The following LSAMP variants were observed in gnomAD, a reference collection of about 807,000 sequenced individuals.
The protein encoded by LSAMP is limbic system associated membrane protein, also known as limbic system-associated membrane protein.
Under a neutral mutation model 38.6 loss-of-function variants are expected in LSAMP, and 7 were observed. The ratio of observed to expected loss-of-function variants is 0.18; its 90% CI spans 0.10 to 0.34. LSAMP has a LOEUF of 0.34. Ranked by LOEUF, LSAMP falls within the 10% of genes least tolerant of loss-of-function variation. LSAMP has a pLI of 1.00. For missense variants in LSAMP, 313 were observed against 420.0 expected (o/e 0.75, Z 2.23); for synonymous variants, 154 against 166.8 (o/e 0.92, Z 0.59).
intron 1 of LSAMP, among the ~76,000 whole-genome samples, chr3:116,278,521 G>A (rs2047083451): frequency 6.6e-6 from 1 of 152,176 alleles, no homozygotes; most frequent in Non-Finnish European, 1.5e-5. Context: ...AAGCCAGGAG[G>A]AGCAGGGTCT....
intron 1 of LSAMP, among the ~76,000 whole-genome samples, chr3:116,261,859 A>C (rs1487653241): frequency 2.7e-5 from 4 of 148,960 alleles, no homozygotes; most frequent in African/African-American, 9.8e-5. Flanking sequence ...TATAATATAA[A>C]ATATATACAT....
intron 6 of LSAMP, among the ~76,000 whole-genome samples, chr3:115,826,104 T>C (rs1316577170): frequency 9.3e-6 from 1 of 107,278 alleles, no homozygotes; most frequent in Non-Finnish European, 2.4e-5. Flanking sequence ...TTCTGTCTTT[T>C]ATTTTTATTT....
At chr3:115,818,788 T>A (rs1440069874) in intron 6 of LSAMP, among the ~76,000 whole-genome samples, 1 of 25,002 alleles carries the variant, frequency 4.0e-5, no homozygotes, top group Non-Finnish European at 9.1e-5. Flanking sequence ...AAAGTTGTAC[T>A]TTTATATATA....
intron 1 of LSAMP, among the ~76,000 whole-genome samples, chr3:116,112,750 A>G (rs1708645232): frequency 6.6e-6 from 1 of 152,210 alleles, no homozygotes; most frequent in African/African-American, 2.4e-5. Flanking sequence ...TGAAAATAAA[A>G]TTAGGTGAAT....
intron 1 of LSAMP, among the ~76,000 whole-genome samples, chr3:116,441,682 C>T (rs1185511129): frequency 2.0e-5 from 3 of 152,198 alleles, no homozygotes; most frequent in African/African-American, 4.8e-5. Context: ...TGTAATTGAA[C>T]TCTTACTCCT....
chr3:116,065,691 A>G (rs969486791), intron 2 of LSAMP, among the ~76,000 whole-genome samples: 3 of 152,218 alleles, frequency 2.0e-5, no homozygotes, highest in Non-Finnish European at 2.9e-5. Flanking sequence ...CCAGATGGCT[A>G]TTTCCTTGCC....
intron 3 of LSAMP, among the ~76,000 whole-genome samples, chr3:115,987,678 A>C (rs1939549789): frequency 2.6e-5 from 4 of 152,212 alleles, no homozygotes; most frequent in Admixed American, 2.6e-4. Context: ...AGAATGGTTT[A>C]TGATGTGTGA....
chr3:116,334,541 C>G (rs1002605814), intron 1 of LSAMP, among the ~76,000 whole-genome samples: 1 of 152,144 alleles, frequency 6.6e-6, no homozygotes, highest in Non-Finnish European at 1.5e-5. Flanking sequence ...GGATTTTACA[C>G]CATGACAAAG....
intron 1 of LSAMP, among the ~76,000 whole-genome samples, chr3:116,311,030 C>T (rs1485542346): frequency 2.0e-5 from 3 of 150,772 alleles, no homozygotes; most frequent in South Asian, 2.1e-4. Context: ...GTCAATTTAA[C>T]GGCACATTGA....
chr3:115,999,585 A>C (rs966377700), intron 3 of LSAMP, among the ~76,000 whole-genome samples: 2 of 152,192 alleles, frequency 1.3e-5, no homozygotes, highest in African/African-American at 4.8e-5. Flanking sequence ...CATTCATGGG[A>C]AAAGGTACCC....
At chr3:115,978,938 T>C (rs1287369335) in intron 3 of LSAMP, among the ~76,000 whole-genome samples, 2 of 152,110 alleles carry the variant, frequency 1.3e-5, no homozygotes, top group African/African-American at 2.4e-5. Flanking sequence ...GAAGTCAACT[T>C]TCTTGAGAAA....
intron 1 of LSAMP, among the ~76,000 whole-genome samples, chr3:116,280,995 A>AAGAATGG (rs1173026631): frequency 1.3e-5 from 2 of 152,238 alleles, no homozygotes; most frequent in African/African-American, 4.8e-5. Context: ...AGGAAAGAAA[A>AAGAATGG]AGAATGGGAA....
chr3:116,417,464 T>C (rs903556183), intron 1 of LSAMP, among the ~76,000 whole-genome samples: 5 of 152,208 alleles, frequency 3.3e-5, no homozygotes, highest in African/African-American at 1.2e-4. Flanking sequence ...AGTTTGGCTC[T>C]TGTTATCAGC....
intron 1 of LSAMP, among the ~76,000 whole-genome samples, chr3:116,126,794 C>A (rs1405538100): frequency 6.6e-6 from 1 of 152,058 alleles, no homozygotes; most frequent in African/African-American, 2.4e-5. Context: ...CCCAGGAGAC[C>A]AAGGTTGCAG....
rs1309068415 is a variant in LSAMP, at chr3:115,852,635, T to C, written c.515-18A>G. ...TTCCCTTCCTGAAAAACAGAGGTTTTCATGATTCTTTTTTAAAGTCTGAAA... is the reference window on the plus strand; with the variant it reads ...TTCCCTTCCTGAAAAACAGAGGTTTCCATGATTCTTTTTTAAAGTCTGAAA... On this transcript the variant is annotated intron_variant, in intron 3 of 6. Transcript: ENST00000490035. The C allele has an allele frequency of 1.2e-6, 2 of 1,603,798 alleles. No homozygotes were observed. The highest frequency in any genetic ancestry group is 1.1e-5 in the South Asian group (1 of 89,020).
At chr3:115,939,933 G>A (rs1310648722) in intron 3 of LSAMP, among the ~76,000 whole-genome samples, 2 of 151,914 alleles carry the variant, frequency 1.3e-5, no homozygotes, top group Admixed American at 6.6e-5. Context: ...ATGAAGCCAC[G>A]GACCCTCACG....
chr3:116,028,531 C>T (rs1317026409), intron 2 of LSAMP, among the ~76,000 whole-genome samples: 8 of 152,148 alleles, frequency 5.3e-5, no homozygotes, highest in South Asian at 2.1e-4. Flanking sequence ...GCTTTAGTTT[C>T]CTCACCTAGC....
At chr3:115,856,358 C>T (rs1207951120) in intron 3 of LSAMP, among the ~76,000 whole-genome samples, 1 of 152,162 alleles carries the variant, frequency 6.6e-6, no homozygotes, top group Non-Finnish European at 1.5e-5. Flanking sequence ...TGGCTTACGC[C>T]TGTAACCCTA....
Position 115,852,568 on chromosome 3 carries a change from G to C in LSAMP, c.564C>G (p.Thr188=). 1 of 1,613,860 alleles carries C rather than the reference G, an allele frequency of 6.2e-7. No homozygotes were observed. Among genetic ancestry groups the C allele is most frequent in the Non-Finnish European group, 8.5e-7 (1 of 1,179,904 alleles). The change falls in exon 4 of 7, where the codon ACC becomes ACG. Residue 188 remains threonine, a synonymous_variant. Transcript: ENST00000490035. ...ACTCATATTTGCCTGACTGCTCCCT[G>C]GTGATGCCAAGGATCTCCAGATATT... ...EEEYLEILGI[T]REQSGKYECK...
Sources: gnomAD v4.1 joint callset for allele counts (sites outside exome capture counted in the v4.1 genomes callset) on GRCh38, gnomAD v4.1.1 for gene constraint, MANE v1.5 for transcripts, NCBI Gene and HGNC (gene_info 2026-07-23, HGNC 2026-07-21) for gene names.